CDH11: variants seen among roughly 807,000 people sequenced by gnomAD.
CDH11 encodes the protein cadherin 11, also known as cadherin-11.
In CDH11, 11 loss-of-function variants were observed where a neutral mutation model predicts 67.8. The ratio of observed to expected loss-of-function variants is 0.16; its 90% CI spans 0.10 to 0.27. The LOEUF (loss-of-function observed/expected upper bound fraction) is 0.27, where lower values mean the gene tolerates loss of function less well. Among genes scored for constraint, CDH11 ranks in the 10% least tolerant of loss-of-function variants. The probability of loss-of-function intolerance (pLI) is 1.00; values close to 1 mark genes in which losing one functional copy is unlikely to be tolerated. For synonymous variants in CDH11, 419 were observed against 400.0 expected (o/e 1.05, Z -0.57); for missense variants, 847 against 1,031.2 (o/e 0.82, Z 2.45).
intron 1 of CDH11, among the ~76,000 whole-genome samples, chr16:65,101,305 A>C (rs1049707565): frequency 2.0e-5 from 3 of 152,156 alleles, no homozygotes; most frequent in Non-Finnish European, 1.5e-5. Flanking sequence ...GCAGAGCACC[A>C]CAGCCAAAGG....
chr16:65,004,019 T>A (rs2072987651), intron 3 of CDH11, among the ~76,000 whole-genome samples: 1 of 151,606 alleles, frequency 6.6e-6, no homozygotes, highest in Admixed American at 6.6e-5. Flanking sequence ...AGCTGGAAAA[T>A]GGTTAAATAA....
chr16:65,041,228 T>G (rs1160210167), intron 2 of CDH11, among the ~76,000 whole-genome samples: 1 of 152,176 alleles, frequency 6.6e-6, no homozygotes, highest in African/African-American at 2.4e-5. Flanking sequence ...ATTTTCTTTC[T>G]CCTCCAGCAC....
At chr16:65,077,411 G>A (rs978659404) in intron 1 of CDH11, among the ~76,000 whole-genome samples, 6 of 152,222 alleles carry the variant, frequency 3.9e-5, no homozygotes, top group Non-Finnish European at 7.3e-5. Context: ...CTTATTGTGA[G>A]ACACATGTGC....
At position 64,944,396 on chromosome 16, in the gene CDH11, A is replaced by AGGCCCTCATTC. The variant is rs2071159679; in HGVS notation, c.*3206_*3207insGAATGAGGGCC. On this transcript the variant is annotated 3_prime_UTR_variant, in exon 13 of 13. Coordinates refer to ENST00000268603, the MANE Select transcript of CDH11 (RefSeq NM_001797.4). ...TTATTTCAGGCCCTCATTCTATCTCATATTGACCTTTGCAAAAGCCCTCCT... is the reference window on the plus strand; with the variant it reads ...TTATTTCAGGCCCTCATTCTATCTCAGGCCCTCATTCTATTGACCTTTGCAAAAGCCCTCCT... The AGGCCCTCATTC allele has an allele frequency of 1.7e-5, 4 of 232,354 alleles. No homozygotes were observed. The highest frequency in any genetic ancestry group is 1.7e-4 in the Admixed American group (3 of 17,744). The allele number at this position is 232,354 out of a possible 1,614,324, so 14.4% of individuals were successfully genotyped here.
At chr16:65,057,426 G>C (rs550164241) in intron 1 of CDH11, among the ~76,000 whole-genome samples, 9 of 152,298 alleles carry the variant, frequency 5.9e-5, no homozygotes, top group African/African-American at 2.2e-4. Context: ...AAGCCTCTTA[G>C]GGGCTCAGAC....
At chr16:65,055,787 G>A (rs1451396906) in intron 1 of CDH11, among the ~76,000 whole-genome samples, 1 of 152,190 alleles carries the variant, frequency 6.6e-6, no homozygotes, top group African/African-American at 2.4e-5. Flanking sequence ...AGGATCAGCA[G>A]TAGAATGTTA....
intron 2 of CDH11, among the ~76,000 whole-genome samples, chr16:65,022,045 T>G (rs2073438852): frequency 6.6e-6 from 1 of 152,146 alleles, no homozygotes; most frequent in Non-Finnish European, 1.5e-5. Context: ...AGCAAACTTT[T>G]ACTCACTAAG....
chr16:65,020,867 T>C (rs1327201584), intron 2 of CDH11, among the ~76,000 whole-genome samples: 3 of 152,190 alleles, frequency 2.0e-5, no homozygotes, highest in Non-Finnish European at 4.4e-5. Flanking sequence ...TTACTTGGAC[T>C]ACTGGCTTCA....
intron 2 of CDH11, among the ~76,000 whole-genome samples, chr16:65,053,512 C>T (rs761249383): frequency 2.6e-5 from 4 of 152,304 alleles, no homozygotes; most frequent in South Asian, 2.1e-4. Context: ...CCTGTTCAGC[C>T]GGGTCCTTGC....
chr16:65,040,597 C>T (rs181795997), intron 2 of CDH11, among the ~76,000 whole-genome samples: 1 of 152,134 alleles, frequency 6.6e-6, no homozygotes, highest in African/African-American at 2.4e-5. Flanking sequence ...AGGAGATATA[C>T]CTAATGTTAA....
At chr16:64,994,760 A>C (rs1240342918) in intron 4 of CDH11, among the ~76,000 whole-genome samples, 1 of 152,186 alleles carries the variant, frequency 6.6e-6, no homozygotes, top group Non-Finnish European at 1.5e-5. Flanking sequence ...GGAAAAGAAG[A>C]AGTCAAATTA....
At chr16:65,005,818 A>G (rs1235132860) in intron 2 of CDH11, among the ~76,000 whole-genome samples, 1 of 152,192 alleles carries the variant, frequency 6.6e-6, no homozygotes, top group Non-Finnish European at 1.5e-5. Context: ...TTCACTAACT[A>G]GGAGAAGGAA....
chr16:65,067,982 GGAAGGGAGGGAGGGAA>G (rs147946832), intron 1 of CDH11, among the ~76,000 whole-genome samples: 29,609 of 106,938 alleles, frequency 0.28, 4,928 homozygotes, highest in Non-Finnish European at 0.38. Flanking sequence ...AAGGAACCAA[GGAAGGGAGGGAGGGAA>G]GAAGGGAGGG....
chr16:65,070,493 G>A (rs1246698021), intron 1 of CDH11, among the ~76,000 whole-genome samples: 1 of 152,120 alleles, frequency 6.6e-6, no homozygotes, highest in African/African-American at 2.4e-5. Flanking sequence ...TCTGCAAAGT[G>A]GTATCTCTAA....
At chr16:65,070,924 C>A (rs1198335736) in intron 1 of CDH11, among the ~76,000 whole-genome samples, 2 of 152,174 alleles carry the variant, frequency 1.3e-5, no homozygotes, top group Non-Finnish European at 2.9e-5. Flanking sequence ...CTGAAAAAAA[C>A]CAACCTCCCA....
intron 1 of CDH11, among the ~76,000 whole-genome samples, chr16:65,115,532 T>C (rs1318049134): frequency 6.6e-6 from 1 of 152,056 alleles, no homozygotes; most frequent in African/African-American, 2.4e-5. Flanking sequence ...AGCTAGGCCT[T>C]GCACTAAATT....
intron 1 of CDH11, among the ~76,000 whole-genome samples, chr16:65,093,006 G>A (rs1437339175): frequency 3.4e-5 from 5 of 144,952 alleles, no homozygotes; most frequent in Non-Finnish European, 6.0e-5. Flanking sequence ...GCGTGATCTT[G>A]GCCCACTGCA....
chr16:64,971,031 C>T (rs1010820737), intron 11 of CDH11, among the ~76,000 whole-genome samples: 2 of 152,170 alleles, frequency 1.3e-5, no homozygotes, highest in East Asian at 1.9e-4. Context: ...AAAGGGGAAG[C>T]AGAAATAGTA....
Position 64,974,237 on chromosome 16 carries a change from A to G in CDH11, c.1254-1197T>C, listed in dbSNP as rs538219254. On this transcript the variant is annotated intron_variant, in intron 8 of 12. Coordinates refer to ENST00000268603, the MANE Select transcript of CDH11 (RefSeq NM_001797.4). ...TCCCTTATACTAACTCCAAAATAGA[A>G]AAGAACAAAAATGGGTTATGTTAAT... Among the ~76,000 whole-genome samples the G allele has an allele frequency of 1.1e-4, 16 of 152,256 alleles. No homozygotes were observed. In the South Asian group the frequency reaches 3.3e-3, roughly 32 times the overall value.
Sources: gnomAD v4.1 joint callset for allele counts (sites outside exome capture counted in the v4.1 genomes callset) on GRCh38, gnomAD v4.1.1 for gene constraint, MANE v1.5 for transcripts, NCBI Gene and HGNC (gene_info 2026-07-23, HGNC 2026-07-21) for gene names.